CPAP: variants seen among roughly 807,000 people sequenced by gnomAD.
CPAP encodes centrosomal P4.1-associated protein.
At chr13:24,883,086 A>T in the CPAP span, 2 of 1,164,056 alleles carry the variant, frequency 1.7e-6, no homozygotes, top group Non-Finnish European at 2.6e-6. Context: ...TTCCCCACAC[A>T]TACACAATAA....
chr13:24,884,556 TAATAAAATGTAAAACATTCCCTCA>T, the CPAP span: 1 of 1,228,262 alleles, frequency 8.1e-7, no homozygotes, highest in African/African-American at 1.5e-5. Flanking sequence ...AAATTTTTTG[TAATAAAATGTAAAACATTCCCTCA>T]AAAGATCCTT....
chr13:24,903,626 C>T, the CPAP span, among the ~76,000 whole-genome samples: 9 of 152,192 alleles, frequency 5.9e-5, no homozygotes, highest in African/African-American at 1.9e-4. Context: ...TTTGTTACAG[C>T]AGCCCAGAGA....
the CPAP span, among the ~76,000 whole-genome samples, chr13:24,907,501 C>T: frequency 2.0e-5 from 3 of 152,046 alleles, no homozygotes; most frequent in Non-Finnish European, 4.4e-5. Context: ...AAATAGATCA[C>T]TAAATATGCA....
At chr13:24,929,786 G>T in the CPAP span, among the ~76,000 whole-genome samples, 2 of 151,274 alleles carry the variant, frequency 1.3e-5, no homozygotes, top group East Asian at 3.9e-4. Context: ...CAAATCTTTT[G>T]GACTTTGTTC....
At chr13:24,895,455 G>A in the CPAP span, among the ~76,000 whole-genome samples, 1 of 152,212 alleles carries the variant, frequency 6.6e-6, no homozygotes, top group African/African-American at 2.4e-5. Context: ...GCGGGTGCCT[G>A]TAGTCCCAGC....
At chr13:24,903,896 T>C in the CPAP span, 1,614 of 1,611,314 alleles carry the variant, frequency 1.0e-3, 3 homozygotes, top group Non-Finnish European at 8.3e-4. Flanking sequence ...TCACTGCATA[T>C]TTTTTCCCAA....
the CPAP span, among the ~76,000 whole-genome samples, chr13:24,927,514 C>T: frequency 2.0e-5 from 3 of 152,206 alleles, no homozygotes; most frequent in African/African-American, 7.2e-5. Flanking sequence ...CTCCCTTCCC[C>T]CCGCAGTGAT....
At chr13:24,899,654 C>T in the CPAP span, 1 of 1,232,794 alleles carries the variant, frequency 8.1e-7, no homozygotes, top group South Asian at 1.2e-5. Context: ...AACCTGCTGA[C>T]AGGCTAGTAA....
the CPAP span, among the ~76,000 whole-genome samples, chr13:24,914,142 T>G: frequency 6.6e-6 from 1 of 152,154 alleles, no homozygotes; most frequent in Admixed American, 6.6e-5. Flanking sequence ...GTTGTAACTT[T>G]AGACAAGGTG....
the CPAP span, chr13:24,910,061 C>G: frequency 6.2e-7 from 1 of 1,613,256 alleles, no homozygotes; most frequent in Non-Finnish European, 8.5e-7. Flanking sequence ...GCTTCTGGCT[C>G]TGATCATCAG....
the CPAP span, among the ~76,000 whole-genome samples, chr13:24,927,455 A>G: frequency 6.6e-6 from 1 of 152,208 alleles, no homozygotes; most frequent in Non-Finnish European, 1.5e-5. Context: ...TGCATGACTT[A>G]CAGGCTATCA....
chr13:24,930,811 T>C, the CPAP span, among the ~76,000 whole-genome samples: 1 of 152,206 alleles, frequency 6.6e-6, no homozygotes, highest in Non-Finnish European at 1.5e-5. Context: ...TGAGTTCTTT[T>C]CTTTTGGATG....
At chr13:24,888,847 A>C in the CPAP span, among the ~76,000 whole-genome samples, 1 of 152,230 alleles carries the variant, frequency 6.6e-6, no homozygotes, top group Non-Finnish European at 1.5e-5. Flanking sequence ...GAAAGAAAAA[A>C]ATTGCAGAAG....
At chr13:24,906,201 T>C in the CPAP span, 1 of 1,613,260 alleles carries the variant, frequency 6.2e-7, no homozygotes, top group Non-Finnish European at 8.5e-7. Flanking sequence ...GTGGAAGACA[T>C]CCGGTGACCT....
the CPAP span, among the ~76,000 whole-genome samples, chr13:24,931,111 T>G: frequency 6.6e-6 from 1 of 152,158 alleles, no homozygotes; most frequent in African/African-American, 2.4e-5. Context: ...GCATATTCCC[T>G]ATTTGTTTTT....
At chr13:24,885,709 T>A in the CPAP span, 1 of 1,434,978 alleles carries the variant, frequency 7.0e-7, no homozygotes, top group Non-Finnish European at 9.8e-7. Context: ...ATTTAATATT[T>A]AATTGAAAAT....
At chr13:24,889,155 G>A in the CPAP span, 2 of 645,630 alleles carry the variant, frequency 3.1e-6, no homozygotes, top group Admixed American at 5.2e-5. Flanking sequence ...AAATTAACTG[G>A]CGGAATAAGA....
At chr13:24,894,559 A>T in the CPAP span, among the ~76,000 whole-genome samples, 1 of 152,226 alleles carries the variant, frequency 6.6e-6, no homozygotes, top group African/African-American at 2.4e-5. Context: ...TGAGATTTGG[A>T]GATCCAGGCA....
chr13:24,885,537 GTCTA>G, the CPAP span: 1 of 1,289,546 alleles, frequency 7.8e-7, no homozygotes, highest in South Asian at 1.2e-5. Flanking sequence ...GAAACGTTAA[GTCTA>G]TTAACAAATT....
Sources: allele counts gnomAD v4.1 joint callset (sites outside exome capture counted in the v4.1 genomes callset), GRCh38; gene constraint gnomAD v4.1.1; transcripts MANE v1.5; gene names NCBI Gene and HGNC (gene_info 2026-07-23, HGNC 2026-07-21).